The following CAMK2D variants were observed in gnomAD, a reference collection of about 807,000 sequenced individuals.
The protein encoded by CAMK2D is calcium/calmodulin dependent protein kinase II delta.
CAMK2D carries 37 observed loss-of-function variants against 84.0 expected under a neutral mutation model. The ratio of observed to expected loss-of-function variants is 0.44; its 90% CI spans 0.34 to 0.58. The LOEUF (loss-of-function observed/expected upper bound fraction) is 0.58, where lower values mean the gene tolerates loss of function less well. CAMK2D is among the 20% of genes least tolerant of loss of function. The probability of loss-of-function intolerance (pLI) is 0.02; values close to 1 mark genes in which losing one functional copy is unlikely to be tolerated. For synonymous variants in CAMK2D, 202 were observed against 212.5 expected (o/e 0.95, Z 0.43); for missense variants, 448 against 652.5 (o/e 0.69, Z 3.41).
intron 2 of CAMK2D, among the ~76,000 whole-genome samples, chr4:113,671,006 A>G (rs765814494): frequency 4.0e-5 from 6 of 151,894 alleles, no homozygotes; most frequent in Non-Finnish European, 5.9e-5. Flanking sequence ...GCAGTTGTAC[A>G]GTAACACAAG....
chr4:113,456,736 G>A (rs1314487105), intron 19 of CAMK2D: 1 of 152,292 alleles, frequency 6.6e-6, no homozygotes, highest in Non-Finnish European at 1.5e-5. Context: ...CATGTTTCTT[G>A]AAAGCAATAT....
chr4:113,608,162 A>G (rs1033236495), intron 4 of CAMK2D, among the ~76,000 whole-genome samples: 1 of 152,228 alleles, frequency 6.6e-6, no homozygotes, highest in African/African-American at 2.4e-5. Flanking sequence ...ACCATAGGGG[A>G]ACTCAAACAT....
intron 3 of CAMK2D, among the ~76,000 whole-genome samples, chr4:113,650,573 T>A (rs184391441): frequency 6.3e-4 from 95 of 151,622 alleles, no homozygotes; most frequent in African/African-American, 2.2e-3. Flanking sequence ...CAAATTAAAT[T>A]AACATTTCAT....
intron 2 of CAMK2D, among the ~76,000 whole-genome samples, chr4:113,730,035 C>T (rs2099559976): frequency 6.6e-6 from 1 of 152,160 alleles, no homozygotes; most frequent in Admixed American, 6.5e-5. Context: ...CACCCGTGCA[C>T]ATCTTAGGTA....
At chr4:113,529,061 C>T (rs1031238708) in intron 8 of CAMK2D, among the ~76,000 whole-genome samples, 2 of 152,044 alleles carry the variant, frequency 1.3e-5, no homozygotes, top group African/African-American at 4.8e-5. Context: ...CTGCATTTGA[C>T]CCTCCTACAA....
intron 16 of CAMK2D, among the ~76,000 whole-genome samples, chr4:113,473,518 A>C (rs9307391): frequency 0.7 from 105,960 of 152,096 alleles, 38,144 homozygotes; most frequent in African/African-American, 0.88. Context: ...AATATAAGAC[A>C]TGGCAATTAC....
intron 2 of CAMK2D, among the ~76,000 whole-genome samples, chr4:113,729,197 T>C (rs1009227985): frequency 1.3e-5 from 2 of 152,190 alleles, no homozygotes; most frequent in African/African-American, 4.8e-5. Context: ...GTTCCACAGT[T>C]CTTACATCTT....
intron 16 of CAMK2D, among the ~76,000 whole-genome samples, chr4:113,490,858 A>G (rs1459195326): frequency 1.0e-3 from 94 of 91,920 alleles, no homozygotes; most frequent in African/African-American, 4.9e-3. Flanking sequence ...GGTCCTTCAC[A>G]TCCCTTGTAA....
intron 6 of CAMK2D, among the ~76,000 whole-genome samples, chr4:113,547,040 C>T (rs2098582373): frequency 6.6e-6 from 1 of 152,028 alleles, no homozygotes; most frequent in Non-Finnish European, 1.5e-5. Flanking sequence ...ATTTGTTTTG[C>T]TTTCTTTACA....
intron 2 of CAMK2D, among the ~76,000 whole-genome samples, chr4:113,751,010 T>C (rs1174005897): frequency 6.6e-6 from 1 of 152,034 alleles, no homozygotes; most frequent in Non-Finnish European, 1.5e-5. Context: ...ACAGAGAAAC[T>C]GTGTCTCAAA....
At chr4:113,619,305 A>G (rs2099035216) in intron 3 of CAMK2D, among the ~76,000 whole-genome samples, 1 of 152,038 alleles carries the variant, frequency 6.6e-6, no homozygotes, top group South Asian at 2.1e-4. Context: ...GTAGCCTCCT[A>G]TCTCATTTCT....
intron 2 of CAMK2D, among the ~76,000 whole-genome samples, chr4:113,703,289 AT>A (rs1455912884): frequency 1.3e-5 from 2 of 152,126 alleles, no homozygotes; most frequent in East Asian, 3.9e-4. Flanking sequence ...CTACAGTAAA[AT>A]TTTAAAAATA....
At position 113,452,208 on chromosome 4, in the gene CAMK2D, A is replaced by G. The variant is rs1487514267; in HGVS notation, c.*2337T>C. On this transcript the variant is annotated 3_prime_UTR_variant, in exon 21 of 21. Coordinates refer to ENST00000511664, the MANE Select transcript of CAMK2D (RefSeq NM_001321571.2). The stretch of plus-strand genomic sequence containing the variant: ...GTTTAGAGAAGCTTTTAGGAGTCTT[A>G]GTTGTTAACTATATTGTTCTCAGCA... 6 of 151,564 alleles carry G rather than the reference A, an allele frequency of 4.0e-5. No homozygotes were observed. The highest frequency in any genetic ancestry group is 8.8e-5 in the Non-Finnish European group (6 of 67,972). 9.4% of individuals were successfully genotyped at this position (151,564 alleles called of 1,614,324 possible).
At chr4:113,730,985 T>G (rs527829594) in intron 2 of CAMK2D, among the ~76,000 whole-genome samples, 1 of 152,260 alleles carries the variant, frequency 6.6e-6, no homozygotes. Flanking sequence ...TAGCAGTTAC[T>G]GTGGCATCAC....
At chr4:113,470,959 G>A (rs1003729620) in intron 16 of CAMK2D, among the ~76,000 whole-genome samples, 2 of 151,952 alleles carry the variant, frequency 1.3e-5, no homozygotes, top group Non-Finnish European at 2.9e-5. Context: ...AATATATGAT[G>A]GTACATTATT....
At chr4:113,728,216 T>A (rs1197229166) in intron 2 of CAMK2D, among the ~76,000 whole-genome samples, 1 of 152,204 alleles carries the variant, frequency 6.6e-6, no homozygotes, top group African/African-American at 2.4e-5. Flanking sequence ...CATAGCTGGT[T>A]TATTCATAAA....
chr4:113,723,883 G>A (rs1593600567), intron 2 of CAMK2D, among the ~76,000 whole-genome samples: 1 of 152,044 alleles, frequency 6.6e-6, no homozygotes, highest in Non-Finnish European at 1.5e-5. Context: ...AAAACCTTCT[G>A]TTTCTGCAAT....
intron 4 of CAMK2D, among the ~76,000 whole-genome samples, chr4:113,593,682 G>A (rs1259119355): frequency 6.6e-6 from 1 of 152,148 alleles, no homozygotes; most frequent in Non-Finnish European, 1.5e-5. Flanking sequence ...CTGCCCTCAG[G>A]AACAACTACT....
At chr4:113,517,717 T>G (rs538474603) in intron 8 of CAMK2D, 60 bp from the exon 9 acceptor site, 19 of 789,556 alleles carry the variant, frequency 2.4e-5, no homozygotes, top group South Asian at 2.2e-4. Flanking sequence ...AAATTAAATG[T>G]GGCTGATCCA....
Sources: allele counts gnomAD v4.1 joint callset (sites outside exome capture counted in the v4.1 genomes callset), GRCh38; gene constraint gnomAD v4.1.1; transcripts MANE v1.5; gene names NCBI Gene and HGNC (gene_info 2026-07-23, HGNC 2026-07-21).